The following AMH variants were observed in gnomAD, a reference collection of about 807,000 sequenced individuals.
AMH encodes anti-Muellerian hormone.
AMH carries 39 observed loss-of-function variants against 33.3 expected under a neutral mutation model. That is an observed-to-expected ratio of 1.17 (90% confidence interval 0.91 to 1.53). The LOEUF is 1.53. Among genes scored for constraint, AMH ranks in the 40% most tolerant of loss-of-function variants. The pLI is 0.00. For missense variants in AMH, 1,019 were observed against 799.8 expected (o/e 1.27, Z -3.30); for synonymous variants, 536 against 403.0 (o/e 1.33, Z -3.95).
In AMH at chr19:2,251,421, C is replaced by T. The variant is rs1285543182; in HGVS notation, c.1147C>T (p.Leu383=). ...TALARRVAAE[L]QAAAAELRSL... ...CCTGGCGCGCCGCGTGGCTGCTGAA[C>T]TGCAAGCGGCGGCTGCCGAGCTGCG... Residue 383 remains leucine, a synonymous_variant, in exon 5 of 5, where the codon CTG becomes TTG. Transcript: ENST00000221496. 6.9e-7 allele frequency: 1 copy of T among 1,443,732 alleles called. No individual in the cohort carries two copies. The highest frequency in any genetic ancestry group is 9.1e-7 in the Non-Finnish European group (1 of 1,103,906). 89.4% of individuals were successfully genotyped at this position (1,443,732 alleles called of 1,614,324 possible).
Position 2,251,269 on chromosome 19 carries a change from A to AT in AMH, c.995_996insT (p.Ala334ArgfsTer49). ...CCGCAGGGCCTAGTCAACCTGTCGG[A>AT]CCCCGCGGCGCTGGAGCGCCTACTC... On this transcript the variant is annotated frameshift_variant, in exon 5 of 5. Transcript: ENST00000221496. LOFTEE classifies it low-confidence loss of function (END_TRUNC). 5 of 1,504,828 alleles carry AT rather than the reference A, an allele frequency of 3.3e-6. No homozygotes were observed. The highest frequency in any genetic ancestry group is 4.4e-6 in the Non-Finnish European group (5 of 1,134,748). 93.2% of individuals were successfully genotyped at this position (1,504,828 alleles called of 1,614,324 possible).
At chr19:2,251,034 G>A in intron 4 of AMH, 26 bp downstream of exon 4, 1 of 1,525,964 alleles carries the variant, frequency 6.6e-7, no homozygotes. Flanking sequence ...GGGACACGGG[G>A]CAGGAGCGGG....
chr19:2,249,372 T>G lies in AMH; in HGVS notation c.40T>G (p.Ser14Ala), dbSNP rs747624096. 3.8e-6 allele frequency: 6 copies of G among 1,584,622 alleles called. No individual in the cohort carries two copies. Among genetic ancestry groups the G allele is most frequent in the Middle Eastern group, 1.7e-4 (1 of 6,034 alleles). The change falls in exon 1 of 5, where the codon TCT (serine) becomes GCT (alanine). Residue 14 changes from serine (S) to alanine (A), a missense_variant. Transcript: ENST00000221496. ...TCTCACCAGCCTGGCCCTAGTGCTG[T>G]CTGCCCTGGGGGCTCTGCTGGGGAC... ...LPLTSLALVL[S>A]ALGALLGTEA... is the part of the protein sequence containing the mutation.
chr19:2,250,493 G>A lies in AMH; in HGVS notation c.555+14G>A. The A allele has an allele frequency of 6.5e-7, 1 of 1,546,804 alleles. No individual in the cohort carries two copies. On this transcript the variant is annotated intron_variant, in intron 2 of 4. Transcript: ENST00000221496. The stretch of plus-strand genomic sequence containing the variant: ...CCGGGTGCCCAGGTACCAGGGAGTT[G>A]CATGGGGCAGTGCCCGGGCCGTGGC...
At position 2,251,732 on chromosome 19, in the gene AMH, CA is replaced by C; in HGVS notation, c.1460del (p.Asn487IlefsTer25). On this transcript the variant is annotated frameshift_variant, in exon 5 of 5. Transcript: ENST00000221496. LOFTEE classifies it high-confidence loss of function. ...TCATCCCCGAGACCTACCAGGCCAA[CA>C]ATTGCCAGGGCGTGTGCGGCTGGCC... ...VLIPETYQAN[N>X]CQGVCGWPQS... 6.2e-7 allele frequency: 1 copy of C among 1,611,886 alleles called. No individual in the cohort carries two copies. Among genetic ancestry groups the C allele is most frequent in the South Asian group, 1.1e-5 (1 of 91,084 alleles).
At chr19:2,249,790 G>A in intron 1 of AMH, 46 bp downstream of exon 1, 1 of 1,455,004 alleles carries the variant, frequency 6.9e-7, no homozygotes. Context: ...TCTTCCTTCA[G>A]GTGGGCCGGG....
rs767563790 is a variant in AMH at position 2,250,483 on chromosome 19, C to T, written c.555+4C>T. Reference sequence around the variant, plus strand: ...GGCTGGGCTGCCGGGTGCCCAGGTACCAGGGAGTTGCATGGGGCAGTGCCC... The same window carrying T: ...GGCTGGGCTGCCGGGTGCCCAGGTATCAGGGAGTTGCATGGGGCAGTGCCC... On this transcript the variant is annotated splice_donor_region_variant and intron_variant, in intron 2 of 4. Coordinates refer to ENST00000221496, the MANE Select transcript of AMH (RefSeq NM_000479.5). The T allele has an allele frequency of 4.7e-5, 72 of 1,547,634 alleles. No homozygotes were observed. The East Asian group carries it at 1.7e-3, about 37-fold the overall frequency.
intron 1 of AMH, 200 bp downstream of exon 1, chr19:2,249,944 C>A: frequency 1.5e-6 from 1 of 687,344 alleles, no homozygotes; most frequent in Non-Finnish European, 2.4e-6. Flanking sequence ...AGCTCTTAGA[C>A]TTGCCCCTGC....
chr19:2,251,924 C>T lies in AMH; in HGVS notation c.1650C>T (p.Pro550=), dbSNP rs2025056295. 6.4e-7 allele frequency: 1 copy of T among 1,556,056 alleles called. No homozygotes were observed. Among genetic ancestry groups the T allele is most frequent in the Non-Finnish European group, 8.6e-7 (1 of 1,159,368 alleles). ...AGCGCATCAGCGCGCACCACGTGCCCAACATGGTGGCCACCGAGTGTGGCT... is the reference window on the plus strand; with the variant it reads ...AGCGCATCAGCGCGCACCACGTGCCTAACATGGTGGCCACCGAGTGTGGCT... The part of the protein sequence containing the change: ...SEERISAHHV[P]NMVATECGCR Residue 550 remains proline, a synonymous_variant, in exon 5 of 5, where the codon CCC becomes CCT. Transcript: ENST00000221496.
In AMH at chr19:2,249,528, A is replaced by G. The variant is rs1342660278; in HGVS notation, c.196A>G (p.Ser66Gly). 8.1e-6 allele frequency: 13 copies of G among 1,601,806 alleles called. No homozygotes were observed. The highest frequency in any genetic ancestry group is 1.1e-5 in the Non-Finnish European group (13 of 1,175,950). Residue 66 changes from serine to glycine, a missense_variant, in exon 1 of 5, where the codon AGC (serine) becomes GGC (glycine). Coordinates refer to ENST00000221496, the MANE Select transcript of AMH (RefSeq NM_000479.5). ...LVALGGDSNG[S>G]SSPLRVVGAL... ...GGCACTGGGCGGGGACAGCAATGGC[A>G]GCAGCTCCCCCCTGCGGGTGGTGGG...
chr19:2,250,506 C>G, intron 2 of AMH, 27 bp downstream of exon 2: 1 of 1,545,028 alleles, frequency 6.5e-7, no homozygotes, highest in South Asian at 1.2e-5. Flanking sequence ...TGGGGCAGTG[C>G]CCGGGCCGTG....
At position 2,251,541 on chromosome 19, in the gene AMH, C is replaced by T; in HGVS notation, c.1267C>T (p.Arg423Ter). ...CCCCGGCGGCCTCGGCGATCCCCTG[C>T]GAGCGCTGCTGCTCCTGAAGGCGCT... ...GGPGGLGDPL[R>*]ALLLLKALQG... Residue 423 changes from arginine (R) to a stop codon, truncating the protein, a stop_gained, in exon 5 of 5, where the codon CGA becomes TGA. Coordinates refer to ENST00000221496, the MANE Select transcript of AMH (RefSeq NM_000479.5). LOFTEE classifies it high-confidence loss of function. 1.5e-6 allele frequency: 2 copies of T among 1,340,000 alleles called. No homozygotes were observed. The highest frequency in any genetic ancestry group is 1.9e-6 in the Non-Finnish European group (2 of 1,047,680). 83.0% of individuals were successfully genotyped at this position (1,340,000 alleles called of 1,614,324 possible).
rs2025022866 is a variant in AMH at position 2,250,760 on chromosome 19, G to GGTA, written c.664+2_664+4dup. On this transcript the variant is annotated protein_altering_variant and splice_region_variant. Transcript: ENST00000221496. ...CTTGACCCTGCAGCCCCGCGGAGAG[G>GGTA]GTAGGTCCGCGTGGAGAGGGACGGG... The GGTA allele has an allele frequency of 6.5e-7, 1 of 1,535,104 alleles. No homozygotes were observed.
Position 2,251,737 on chromosome 19 carries a change from G to A in AMH, c.1463G>A (p.Cys488Tyr), listed in dbSNP as rs1207631086. ...CCCGAGACCTACCAGGCCAACAATT[G>A]CCAGGGCGTGTGCGGCTGGCCTCAG... ...LIPETYQANN[C>Y]QGVCGWPQSD... Residue 488 changes from cysteine to tyrosine, a missense_variant, in exon 5 of 5, where the codon TGC (cysteine) becomes TAC (tyrosine). Cys to Tyr is a radical substitution (Grantham distance 194). Transcript: ENST00000221496. 5 of 1,611,762 alleles carry A rather than the reference G, an allele frequency of 3.1e-6. No homozygotes were observed. The highest frequency in any genetic ancestry group is 3.4e-6 in the Non-Finnish European group (4 of 1,179,586).
chr19:2,251,703 G>C lies in AMH; in HGVS notation c.1429G>C (p.Val477Leu), dbSNP rs1313937673. ...LSVDLRAERS[V>L]LIPETYQANN... is the part of the protein sequence containing the mutation. Reference sequence around the variant, plus strand: ...CGTAGACCTCCGCGCCGAGCGCTCCGTACTCATCCCCGAGACCTACCAGGC... The same window carrying C: ...CGTAGACCTCCGCGCCGAGCGCTCCCTACTCATCCCCGAGACCTACCAGGC... Residue 477 changes from valine to leucine, a missense_variant, in exon 5 of 5, where the codon GTA (valine) becomes CTA (leucine). Transcript: ENST00000221496. The C allele has an allele frequency of 6.2e-7, 1 of 1,611,562 alleles. No individual in the cohort carries two copies. Among genetic ancestry groups the C allele is most frequent in the East Asian group, 2.2e-5 (1 of 44,858 alleles).
In AMH at chr19:2,250,374, GC is replaced by G. The variant is rs1275491571; in HGVS notation, c.455del (p.Pro152ArgfsTer25). 2 of 1,594,968 alleles carry G rather than the reference GC, an allele frequency of 1.3e-6. No individual in the cohort carries two copies. Among genetic ancestry groups the G allele is most frequent in the Admixed American group, 1.7e-5 (1 of 57,638 alleles). ...EPTPSLRFQE[P>X]PPGGAGPPEL... Reference sequence around the variant, plus strand: ...CAACACCCTCGCTGAGGTTCCAGGAGCCCCCGCCTGGAGGAGCTGGCCCCCC... The same window carrying G: ...CAACACCCTCGCTGAGGTTCCAGGAGCCCCGCCTGGAGGAGCTGGCCCCCC... On this transcript the variant is annotated frameshift_variant, in exon 2 of 5. Transcript: ENST00000221496. LOFTEE classifies it high-confidence loss of function.
At position 2,250,398 on chromosome 19, in the gene AMH, C is replaced by G. The variant is rs1429611113; in HGVS notation, c.474C>G (p.Pro158=). 1.3e-6 allele frequency: 2 copies of G among 1,582,510 alleles called. No homozygotes were observed. The highest frequency in any genetic ancestry group is 1.9e-4 in the Middle Eastern group (1 of 5,400). ...AGCCCCCGCCTGGAGGAGCTGGCCCCCCAGAGCTGGCGCTGCTGGTGCTGT... is the reference window on the plus strand; with the variant it reads ...AGCCCCCGCCTGGAGGAGCTGGCCCGCCAGAGCTGGCGCTGCTGGTGCTGT... ...FQEPPPGGAG[P]PELALLVLYP... is the part of the protein sequence containing the mutation. The change falls in exon 2 of 5, where the codon CCC becomes CCG. Residue 158 remains proline, a synonymous_variant. Transcript: ENST00000221496.
At position 2,251,162 on chromosome 19, in the gene AMH, C is replaced by T; in HGVS notation, c.888C>T (p.Arg296=). The T allele has an allele frequency of 6.6e-7, 1 of 1,522,104 alleles. No individual in the cohort carries two copies. Among genetic ancestry groups the T allele is most frequent in the Non-Finnish European group, 8.8e-7 (1 of 1,141,408 alleles). 94.3% of individuals were successfully genotyped at this position (1,522,104 alleles called of 1,614,324 possible). A position where few individuals can be genotyped will look rare whatever the true frequency, so the allele number is the denominator to read the frequency against. ...SADPFLETLT[R]LVRALRVPPA... ...ACCCCTTCCTGGAGACGCTCACGCG[C>T]CTGGTGCGGGCGCTGCGGGTCCCCC... Residue 296 remains arginine, a synonymous_variant, in exon 5 of 5, where the codon CGC becomes CGT. Coordinates refer to ENST00000221496, the MANE Select transcript of AMH (RefSeq NM_000479.5).
rs1313085006 is a variant in AMH at position 2,251,839 on chromosome 19, G to C, written c.1565G>C (p.Arg522Pro). The change falls in exon 5 of 5, where the codon CGC (arginine) becomes CCC (proline). Residue 522 changes from arginine (R) to proline (P), a missense_variant. Transcript: ENST00000221496. ...KMQVRGAALA[R>P]PPCCVPTAYA... ...CAGGTCCGTGGGGCCGCCCTGGCGC[G>C]CCCACCCTGCTGCGTGCCCACCGCC... 6.3e-7 allele frequency: 1 copy of C among 1,597,798 alleles called. No individual in the cohort carries two copies. Among genetic ancestry groups the C allele is most frequent in the Non-Finnish European group, 8.5e-7 (1 of 1,177,068 alleles).
Sources: allele counts gnomAD v4.1 joint callset, GRCh38; gene constraint gnomAD v4.1.1; transcripts MANE v1.5; gene names NCBI Gene and HGNC (gene_info 2026-07-23, HGNC 2026-07-21).